Variants in ARHGAP32 observed in about 807,000 individuals in gnomAD.
ARHGAP32 encodes Rho GTPase activating protein 32.
In ARHGAP32, 51 loss-of-function variants were observed where a neutral mutation model predicts 186.5. The ratio of observed to expected loss-of-function variants is 0.27; its 90% CI spans 0.22 to 0.35. The LOEUF is 0.35. Ranked by LOEUF, ARHGAP32 falls within the 10% of genes least tolerant of loss-of-function variation. The pLI, the probability that ARHGAP32 is intolerant of heterozygous loss-of-function variation, is 1.00. For synonymous variants in ARHGAP32, 950 were observed against 964.3 expected (o/e 0.99, Z 0.27); for missense variants, 2,186 against 2,623.5 (o/e 0.83, Z 3.64).
intron 5 of ARHGAP32, among the ~76,000 whole-genome samples, chr11:129,111,069 A>G (rs1008305049): frequency 1.3e-5 from 2 of 152,182 alleles, no homozygotes; most frequent in African/African-American, 2.4e-5. Context: ...GGTCTGTCAT[A>G]TATGACCTTT....
At chr11:128,983,749 T>C (rs1287523385) in intron 15 of ARHGAP32, among the ~76,000 whole-genome samples, 1 of 151,340 alleles carries the variant, frequency 6.6e-6, no homozygotes, top group Non-Finnish European at 1.5e-5. Context: ...AAGGGAATGA[T>C]TAAAGGACTT....
chr11:128,989,398 T>C (rs959103231), intron 12 of ARHGAP32, among the ~76,000 whole-genome samples: 4 of 151,866 alleles, frequency 2.6e-5, no homozygotes, highest in Non-Finnish European at 4.4e-5. Context: ...AGAGAAGAAA[T>C]TGTATCTTAG....
chr11:129,165,348 G>A (rs1478370992), intron 1 of ARHGAP32, among the ~76,000 whole-genome samples: 1 of 151,732 alleles, frequency 6.6e-6, no homozygotes, highest in Non-Finnish European at 1.5e-5. Context: ...GCACTGCCAA[G>A]ATGGAGGAGC....
chr11:129,073,630 G>C (rs563543715), intron 6 of ARHGAP32, among the ~76,000 whole-genome samples: 2 of 151,862 alleles, frequency 1.3e-5, no homozygotes, highest in African/African-American at 4.8e-5. Context: ...GAAAATACCA[G>C]AAGGAGAAGA....
At position 128,968,603 on chromosome 11, in the gene ARHGAP32, C is replaced by T. The variant is rs1365442671; in HGVS notation, c.*304G>A. The T allele has an allele frequency of 4.2e-6, 1 of 236,882 alleles. No individual in the cohort carries two copies. The highest frequency in any genetic ancestry group is 2.2e-5 in the African/African-American group (1 of 44,594). 14.7% of individuals were successfully genotyped at this position (236,882 alleles called of 1,614,324 possible). ...AATTCAGTTAAAGGCAGTCCTCAGG[C>T]TCTTTCAAGCTAGCCCTAGATGGCA... On this transcript the variant is annotated 3_prime_UTR_variant, in exon 23 of 23. Coordinates refer to ENST00000682385, the MANE Select transcript of ARHGAP32 (RefSeq NM_001378024.1).
At position 129,192,214 on chromosome 11, in the gene ARHGAP32, C is replaced by T; in HGVS notation, c.-16G>A. 6.4e-7 allele frequency: 1 copy of T among 1,573,760 alleles called. No individual in the cohort carries two copies. Among genetic ancestry groups the T allele is most frequent in the Non-Finnish European group, 8.7e-7 (1 of 1,147,334 alleles). ...CAGTCTCCATCTTGTACTTAAAAAA[C>T]AAAAAAAACTAAACCTCCAGGCATG... On this transcript the variant is annotated 5_prime_UTR_variant, in exon 1 of 23. Transcript: ENST00000682385.
At chr11:129,189,052 A>T (rs1046706810) in intron 1 of ARHGAP32, among the ~76,000 whole-genome samples, 4 of 152,186 alleles carry the variant, frequency 2.6e-5, no homozygotes, top group Admixed American at 2.6e-4. Flanking sequence ...TATTGTGTTC[A>T]TTACTTCATT....
chr11:129,222,712 C>T (rs1335458692), intron 1 of ARHGAP32, among the ~76,000 whole-genome samples: 6 of 152,172 alleles, frequency 3.9e-5, no homozygotes, highest in African/African-American at 1.4e-4. Context: ...TCTCTGGTAA[C>T]TGATTTTATG....
At chr11:129,149,583 G>A (rs1943244789) in intron 2 of ARHGAP32, among the ~76,000 whole-genome samples, 1 of 152,172 alleles carries the variant, frequency 6.6e-6, no homozygotes, top group Non-Finnish European at 1.5e-5. Context: ...CTCAAGAAAA[G>A]GGGGAGAGCA....
chr11:129,223,885 A>C (rs906997231), intron 1 of ARHGAP32, among the ~76,000 whole-genome samples: 2 of 152,208 alleles, frequency 1.3e-5, no homozygotes, highest in Admixed American at 6.5e-5. Flanking sequence ...ACATCTGCCC[A>C]GATAAGATAC....
At chr11:129,185,754 C>A (rs1197756175) in intron 1 of ARHGAP32, among the ~76,000 whole-genome samples, 1 of 151,828 alleles carries the variant, frequency 6.6e-6, no homozygotes, top group African/African-American at 2.4e-5. Flanking sequence ...TCCTAAAGAT[C>A]TTATTTTATA....
intron 1 of ARHGAP32, among the ~76,000 whole-genome samples, chr11:129,199,887 C>T (rs1052352478): frequency 6.6e-6 from 1 of 152,154 alleles, no homozygotes; most frequent in Non-Finnish European, 1.5e-5. Flanking sequence ...GGAGGTTGTA[C>T]CCTGCAAAGC....
chr11:129,249,991 C>T (rs6590370), intron 1 of ARHGAP32, among the ~76,000 whole-genome samples: 132,000 of 151,600 alleles, frequency 0.87, 57,758 homozygotes, highest in African/African-American at 0.95. Context: ...TGCGGGAGGA[C>T]CACTTGAGCC....
intron 1 of ARHGAP32, among the ~76,000 whole-genome samples, chr11:129,189,492 C>G (rs914215698): frequency 1.3e-5 from 2 of 152,106 alleles, no homozygotes; most frequent in African/African-American, 4.8e-5. Flanking sequence ...TTATGTTTTT[C>G]CTTTTCTGCC....
At chr11:129,084,422 C>T (rs1351488043) in intron 6 of ARHGAP32, among the ~76,000 whole-genome samples, 1 of 150,718 alleles carries the variant, frequency 6.6e-6, no homozygotes, top group Non-Finnish European at 1.5e-5. Flanking sequence ...GTACTAGCAA[C>T]TATAATCCAA....
At position 128,969,242 on chromosome 11, in the gene ARHGAP32, T is replaced by G; in HGVS notation, c.5971A>C (p.Ile1991Leu). The change falls in exon 23 of 23, where the codon ATC (isoleucine) becomes CTC (leucine). Residue 1991 changes from isoleucine to leucine, a missense_variant. Physicochemically the swap from Ile to Leu is conservative, Grantham distance 5. This residue lies in a region of ARHGAP32 where 1,502 missense variants were observed against 1,570.0 expected (regional missense o/e 0.96). Transcript: ENST00000682385. This position sits in a 1 kb window ranked among gnomAD's most constrained non-coding sequence, Gnocchi z 4.8. ...YKEEEHLTQS[I>L]VPPPKPERSH... is the part of the protein sequence containing the mutation. ...CTCTCTGGTTTAGGGGGTGGGACGATTGACTGAGTGAGGTGTTCTTCCTCC... is the reference window on the plus strand; with the variant it reads ...CTCTCTGGTTTAGGGGGTGGGACGAGTGACTGAGTGAGGTGTTCTTCCTCC... 2 of 1,614,138 alleles carry G rather than the reference T, an allele frequency of 1.2e-6. No individual in the cohort carries two copies. The highest frequency in any genetic ancestry group is 1.7e-6 in the Non-Finnish European group (2 of 1,179,998).
intron 11 of ARHGAP32, among the ~76,000 whole-genome samples, chr11:129,035,106 T>C (rs1318863477): frequency 2.0e-5 from 3 of 152,040 alleles, no homozygotes; most frequent in African/African-American, 7.2e-5. Flanking sequence ...CACTATATCA[T>C]GCCCTAGGGT....
chr11:128,973,607 A>G, intron 21 of ARHGAP32, 175 bp from the exon 22 acceptor site: 1 of 673,126 alleles, frequency 1.5e-6, no homozygotes, highest in Middle Eastern at 4.1e-4. Context: ...CATCTGGTTC[A>G]GAAGGAAAAC....
chr11:129,005,114 C>A (rs2134780619), intron 11 of ARHGAP32, among the ~76,000 whole-genome samples: 1 of 152,196 alleles, frequency 6.6e-6, no homozygotes, highest in East Asian at 1.9e-4. Flanking sequence ...GGTAACAACA[C>A]TGTTTGCATA....
Sources: allele counts gnomAD v4.1 joint callset (sites outside exome capture counted in the v4.1 genomes callset), GRCh38; gene constraint gnomAD v4.1.1; regional missense constraint gnomAD v4.1.1; non-coding constraint Gnocchi (gnomAD v3.1); transcripts MANE v1.5; gene names NCBI Gene and HGNC (gene_info 2026-07-23, HGNC 2026-07-21).